AMOTL1: variants seen among roughly 807,000 people sequenced by gnomAD.
The protein encoded by AMOTL1 is angiomotin like 1.
A neutral mutation model predicts 102.9 loss-of-function variants in AMOTL1; 45 were observed. That is an observed-to-expected ratio of 0.44 (90% CI 0.34 to 0.56). AMOTL1 has a LOEUF of 0.56. AMOTL1 is among the 20% of genes least tolerant of loss of function. The probability of loss-of-function intolerance (pLI) is 0.01; values close to 1 mark genes in which losing one functional copy is unlikely to be tolerated. For missense variants in AMOTL1, 1,114 were observed against 1,225.6 expected (o/e 0.91, Z 1.36); for synonymous variants, 481 against 484.7 (o/e 0.99, Z 0.10).
intron 6 of AMOTL1, among the ~76,000 whole-genome samples, chr11:94,840,000 TA>T (rs1281640753): frequency 6.6e-6 from 1 of 152,198 alleles, no homozygotes; most frequent in Non-Finnish European, 1.5e-5. Context: ...CCAATTATAA[TA>T]AAAGGCCTTG....
chr11:94,707,250 C>CTGTGTGTGTGTGTG (rs71459746), intron 1 of AMOTL1, among the ~76,000 whole-genome samples: 3 of 71,712 alleles, frequency 4.2e-5, no homozygotes, highest in South Asian at 4.8e-4. Context: ...CTCTCTCTCT[C>CTGTGTGTGTGTGTG]TGTGTGTGTG....
intron 6 of AMOTL1, among the ~76,000 whole-genome samples, chr11:94,844,188 G>T (rs1425416057): frequency 2.0e-5 from 3 of 152,186 alleles, no homozygotes; most frequent in African/African-American, 4.8e-5. Context: ...CCTTCCTTGA[G>T]AAGTGCCAGA....
chr11:94,796,880 A>T (rs1951376891), intron 2 of AMOTL1: 6 of 527,684 alleles, frequency 1.1e-5, no homozygotes, highest in Non-Finnish European at 1.5e-5. Context: ...TTACATACAC[A>T]TATAGATGTA....
At chr11:94,726,282 G>A (rs548590748) in intron 1 of AMOTL1, among the ~76,000 whole-genome samples, 4 of 152,200 alleles carry the variant, frequency 2.6e-5, no homozygotes, top group Admixed American at 6.5e-5. Context: ...CCACTCTATC[G>A]GTGTACACAA....
chr11:94,827,815 C>A (rs749119796), intron 4 of AMOTL1, among the ~76,000 whole-genome samples: 57 of 152,236 alleles, frequency 3.7e-4, no homozygotes, highest in Non-Finnish European at 7.9e-4. Flanking sequence ...CCTCTGTAAC[C>A]TCTCAGGGTG....
intron 6 of AMOTL1, among the ~76,000 whole-genome samples, chr11:94,832,962 T>C (rs1343176976): frequency 6.6e-6 from 1 of 152,212 alleles, no homozygotes. Flanking sequence ...CCAAGGCTGG[T>C]GTGGAATAAT....
chr11:94,783,141 T>C (rs577730356), intron 1 of AMOTL1, among the ~76,000 whole-genome samples: 1 of 152,342 alleles, frequency 6.6e-6, no homozygotes, highest in East Asian at 1.9e-4. Flanking sequence ...AGAGCCAGGC[T>C]AGCTGGGGTT....
At position 94,830,131 on chromosome 11, in the gene AMOTL1, G is replaced by A. The variant is rs1273305163; in HGVS notation, c.1495G>A (p.Ala499Thr). ...STTKRESLDK[A>T]MRNKLEGEIR... ...CACCAAGCGAGAATCGCTGGACAAG[G>A]CCATGAGAAACAAATTGGAAGGCGA... Residue 499 changes from alanine to threonine, a missense_variant, in exon 5 of 13, where the codon GCC becomes ACC. Coordinates refer to ENST00000433060, the MANE Select transcript of AMOTL1 (RefSeq NM_130847.3). 1.2e-6 allele frequency: 2 copies of A among 1,611,224 alleles called. No homozygotes were observed. Among genetic ancestry groups the A allele is most frequent in the Non-Finnish European group, 1.7e-6 (2 of 1,178,758 alleles).
chr11:94,720,277 A>C (rs1950155769), intron 1 of AMOTL1, among the ~76,000 whole-genome samples: 1 of 152,094 alleles, frequency 6.6e-6, no homozygotes. Flanking sequence ...CTCCCTCAGC[A>C]TATAAAGGAT....
chr11:94,829,957 A>G, intron 4 of AMOTL1, 93 bp from the exon 5 acceptor site: 1 of 1,274,542 alleles, frequency 7.8e-7, no homozygotes, highest in Non-Finnish European at 1.1e-6. Context: ...TTGAAGATAC[A>G]GCCTTCACAC....
intron 1 of AMOTL1, among the ~76,000 whole-genome samples, chr11:94,720,835 G>A (rs1591890801): frequency 6.6e-6 from 1 of 152,224 alleles, no homozygotes; most frequent in East Asian, 1.9e-4. Flanking sequence ...AAGAAGAAAT[G>A]GGGTGCCTAG....
chr11:94,758,561 C>A (rs1038901430), intron 3 of AMOTL1, among the ~76,000 whole-genome samples: 2 of 152,168 alleles, frequency 1.3e-5, no homozygotes, highest in African/African-American at 4.8e-5. Context: ...TTAAAGGCAA[C>A]AAAAGGCTAC....
chr11:94,724,199 A>G (rs1199259401), intron 1 of AMOTL1, among the ~76,000 whole-genome samples: 1 of 152,164 alleles, frequency 6.6e-6, no homozygotes, highest in Non-Finnish European at 1.5e-5. Flanking sequence ...CTTGTAACCA[A>G]GATGGACTAT....
At chr11:94,853,742 G>A (rs1952597124) in intron 7 of AMOTL1, among the ~76,000 whole-genome samples, 191 bp from the exon 8 acceptor site, 1 of 152,164 alleles carries the variant, frequency 6.6e-6, no homozygotes, top group African/African-American at 2.4e-5. Flanking sequence ...AGCCATTGTA[G>A]GTATAACTGG....
Position 94,771,264 on chromosome 11 carries a change from G to GT in AMOTL1, c.49+2704_49+2705insT, listed in dbSNP as rs201239180. ...TCTTTTCTTTTTGGCGGGGTTGGGG[G>GT]GGGGGTGCGGTGTGTGGCTATCTGC... On this transcript the variant is annotated intron_variant, in intron 1 of 12. Coordinates refer to ENST00000433060, the MANE Select transcript of AMOTL1 (RefSeq NM_130847.3). Among the ~76,000 whole-genome samples, 14 of 145,050 alleles carry GT rather than the reference G, an allele frequency of 9.7e-5. 1 individual carries two copies. The South Asian group carries it at 2.5e-3, about 26-fold the overall frequency.
At chr11:94,758,320 G>A (rs772572418) in intron 3 of AMOTL1, among the ~76,000 whole-genome samples, 9 of 152,162 alleles carry the variant, frequency 5.9e-5, no homozygotes, top group African/African-American at 1.4e-4. Context: ...GTTTTGGAAC[G>A]GCTGGTTTAA....
rs1555067543 is a variant in AMOTL1 at position 94,771,259 on chromosome 11, T to TGGA, written c.49+2701_49+2702insAGG. Among the ~76,000 whole-genome samples the TGGA allele has an allele frequency of 1.0e-4, 10 of 96,880 alleles. 1 individual carries two copies. Among genetic ancestry groups the TGGA allele is most frequent in the Non-Finnish European group, 1.5e-4 (7 of 47,192 alleles). The allele number at this position is 96,880 out of a possible 152,430, so 63.6% of individuals were successfully genotyped here. Reference sequence around the variant, plus strand: ...TATTTTCTTTTCTTTTTGGCGGGGTTGGGGGGGGGGTGCGGTGTGTGGCTA... The same window carrying TGGA: ...TATTTTCTTTTCTTTTTGGCGGGGTTGGAGGGGGGGGGGTGCGGTGTGTGGCTA... On this transcript the variant is annotated intron_variant, in intron 1 of 12. Coordinates refer to ENST00000433060, the MANE Select transcript of AMOTL1 (RefSeq NM_130847.3).
chr11:94,714,834 A>G (rs758003756), intron 1 of AMOTL1, among the ~76,000 whole-genome samples: 3 of 151,978 alleles, frequency 2.0e-5, no homozygotes, highest in Non-Finnish European at 4.4e-5. Context: ...TATTTCATGA[A>G]TTCTTTCTAT....
chr11:94,847,047 T>C (rs1418778550), intron 6 of AMOTL1, among the ~76,000 whole-genome samples: 2 of 152,258 alleles, frequency 1.3e-5, no homozygotes, highest in African/African-American at 4.8e-5. Context: ...TGAGTGATAC[T>C]AAATGGTACT....
Sources: gnomAD v4.1 joint callset for allele counts (sites outside exome capture counted in the v4.1 genomes callset) on GRCh38, gnomAD v4.1.1 for gene constraint, MANE v1.5 for transcripts, NCBI Gene and HGNC (gene_info 2026-07-23, HGNC 2026-07-21) for gene names.